Variants in PSD3 observed in about 807,000 individuals in gnomAD.
PSD3 encodes pleckstrin and Sec7 domain containing 3.
Under a neutral mutation model 105.5 loss-of-function variants are expected in PSD3, and 49 were observed. The observed-to-expected ratio is 0.46, with a 90% CI of 0.37 to 0.59. The LOEUF is 0.59. Ranked by LOEUF, PSD3 falls within the 20% of genes least tolerant of loss-of-function variation. The probability of loss-of-function intolerance (pLI) is 0.00; values close to 1 mark genes in which losing one functional copy is unlikely to be tolerated. For synonymous variants in PSD3, 557 were observed against 457.8 expected (o/e 1.22, Z -2.77); for missense variants, 1,561 against 1,263.8 (o/e 1.24, Z -3.57).
chr8:18,818,573 T>G (rs902366508), intron 4 of PSD3, among the ~76,000 whole-genome samples: 3 of 152,072 alleles, frequency 2.0e-5, no homozygotes, highest in African/African-American at 7.2e-5. Context: ...TGACATAAGC[T>G]GGAACAGATT....
rs138067802 is a variant in PSD3, at chr8:19,079,845, A to G, written c.324+4361T>C. Among the ~76,000 whole-genome samples, 84 of 152,234 alleles carry G rather than the reference A, an allele frequency of 5.5e-4. 1 individual carries two copies. In the East Asian group the frequency reaches 0.016, roughly 29 times the overall value. On this transcript the variant is annotated intron_variant, in intron 1 of 1. Coordinates refer to the PSD3 transcript ENST00000521475. ...AAGTTTCCTGTAGTGAAGTCATTTG[A>G]CAAAATAATGAATCTTTAGAGATAA...
intron 1 of PSD3, among the ~76,000 whole-genome samples, chr8:18,959,335 A>G (rs567410715): frequency 1.3e-4 from 20 of 152,184 alleles, no homozygotes; most frequent in Non-Finnish European, 2.5e-4. Context: ...CAGAAGATGC[A>G]TGAATTCCAA....
intron 15 of PSD3, among the ~76,000 whole-genome samples, chr8:18,538,201 C>T (rs1294454362): frequency 2.0e-5 from 3 of 152,238 alleles, no homozygotes; most frequent in African/African-American, 7.2e-5. Flanking sequence ...GGTTAAACCA[C>T]TGTTTATCAA....
In PSD3 at chr8:18,801,386, C is replaced by T. The variant is rs923577594; in HGVS notation, c.1911-4G>A. 1 of 1,547,230 alleles carries T rather than the reference C, an allele frequency of 6.5e-7. No homozygotes were observed. The highest frequency in any genetic ancestry group is 8.9e-7 in the Non-Finnish European group (1 of 1,128,972). On this transcript the variant is annotated splice_region_variant and splice_polypyrimidine_tract_variant and intron_variant, in intron 6 of 15. Transcript: ENST00000327040. ...AGAGAATGCTTTAAAGAAATACCTA[C>T]AAGAGAATTAAAAATTTAAACAGTG...
At position 18,595,131 on chromosome 8, in the gene PSD3, T is replaced by C. The variant is rs550567959; in HGVS notation, c.2481+5233A>G. The stretch of plus-strand genomic sequence containing the variant: ...TATAATTTGTGACGGAGTAAAAGTA[T>C]AGTTTTGGCATATGACCTGAAATCA... On this transcript the variant is annotated intron_variant, in intron 12 of 15. Transcript: ENST00000327040. 1.5e-3 allele frequency among the ~76,000 whole-genome samples: 226 copies of C among 152,110 alleles called. 2 individuals are homozygous for C. The highest frequency in any genetic ancestry group is 5.2e-3 in the African/African-American group (215 of 41,540).
At chr8:18,610,453 T>C (rs1223836467) in intron 11 of PSD3, among the ~76,000 whole-genome samples, 1 of 152,206 alleles carries the variant, frequency 6.6e-6, no homozygotes, top group South Asian at 2.1e-4. Context: ...GATTTCTGTA[T>C]GTCACTTCCC....
intron 1 of PSD3, among the ~76,000 whole-genome samples, chr8:19,068,204 G>T (rs912389205): frequency 6.6e-6 from 1 of 151,260 alleles, no homozygotes; most frequent in Non-Finnish European, 1.5e-5. Flanking sequence ...AGCGATGGTG[G>T]AATTGACATG....
intron 1 of PSD3, among the ~76,000 whole-genome samples, chr8:19,058,902 A>C (rs1393581664): frequency 6.6e-6 from 1 of 152,094 alleles, no homozygotes; most frequent in East Asian, 1.9e-4. Flanking sequence ...GGTTTCTGTG[A>C]CCCAGGTGAG....
intron 12 of PSD3, 70 bp downstream of exon 12, chr8:18,600,294 C>T (rs1197393359): frequency 2.2e-6 from 3 of 1,338,526 alleles, no homozygotes; most frequent in African/African-American, 1.5e-5. Flanking sequence ...GACTACCGTA[C>T]ATACATATAC....
intron 4 of PSD3, among the ~76,000 whole-genome samples, chr8:18,855,080 G>A (rs1156756069): frequency 6.6e-6 from 1 of 152,204 alleles, no homozygotes; most frequent in Non-Finnish European, 1.5e-5. Context: ...ACAGGGATAG[G>A]AGACCAGCCT....
intron 8 of PSD3, among the ~76,000 whole-genome samples, chr8:18,788,259 C>T (rs1380725323): frequency 6.6e-6 from 1 of 152,140 alleles, no homozygotes; most frequent in Non-Finnish European, 1.5e-5. Context: ...TTTCCCCTGA[C>T]CATAACAGAG....
At chr8:18,959,563 T>C (rs1823786611) in intron 1 of PSD3, among the ~76,000 whole-genome samples, 1 of 145,428 alleles carries the variant, frequency 6.9e-6, no homozygotes, top group Non-Finnish European at 1.5e-5. Context: ...CTCCTTGGTG[T>C]TCATGTCCTC....
At chr8:18,727,746 CT>C (rs775665307) in intron 9 of PSD3, among the ~76,000 whole-genome samples, 4 of 152,076 alleles carry the variant, frequency 2.6e-5, no homozygotes, top group Non-Finnish European at 5.9e-5. Flanking sequence ...CGAAAAGTCT[CT>C]TTTGCTCAGA....
chr8:19,071,908 C>T (rs1355083742), intron 1 of PSD3, among the ~76,000 whole-genome samples: 1 of 152,100 alleles, frequency 6.6e-6, no homozygotes, highest in Non-Finnish European at 1.5e-5. Flanking sequence ...TGGGATTTCA[C>T]TATGTTGGTC....
chr8:18,635,575 G>C (rs1807192188), intron 10 of PSD3, among the ~76,000 whole-genome samples: 1 of 152,026 alleles, frequency 6.6e-6, no homozygotes, highest in African/African-American at 2.4e-5. Flanking sequence ...AGGTCTTTCA[G>C]TAGGTGTTCC....
intron 9 of PSD3, among the ~76,000 whole-genome samples, chr8:18,694,454 C>CA (rs1356640178): frequency 6.6e-6 from 1 of 152,052 alleles, no homozygotes; most frequent in Non-Finnish European, 1.5e-5. Context: ...ATTAAAAATA[C>CA]AAAAAATTAG....
intron 9 of PSD3, among the ~76,000 whole-genome samples, chr8:18,697,060 T>G (rs954199416): frequency 8.5e-6 from 1 of 117,922 alleles, no homozygotes; most frequent in Non-Finnish European, 1.9e-5. Flanking sequence ...CTGGGCAACA[T>G]AGTAAGACTC....
At chr8:18,860,295 G>T (rs74700533) in intron 4 of PSD3, among the ~76,000 whole-genome samples, 6,295 of 151,878 alleles carry the variant, frequency 0.041, 438 homozygotes, top group African/African-American at 0.14. Context: ...CAAAGATCTG[G>T]GACCACAGGT....
intron 1 of PSD3, among the ~76,000 whole-genome samples, chr8:19,033,699 C>T (rs1190061135): frequency 6.6e-6 from 1 of 151,808 alleles, no homozygotes; most frequent in Non-Finnish European, 1.5e-5. Flanking sequence ...CCATTCATAC[C>T]CAATTATCTT....
Sources: allele counts gnomAD v4.1 joint callset (sites outside exome capture counted in the v4.1 genomes callset), GRCh38; gene constraint gnomAD v4.1.1; transcripts MANE v1.5; gene names NCBI Gene and HGNC (gene_info 2026-07-23, HGNC 2026-07-21).